The following PDLIM7 variants were observed in gnomAD, a reference collection of about 807,000 sequenced individuals.
PDLIM7 encodes the protein PDZ and LIM domain protein 7.
PDLIM7 carries 37 observed loss-of-function variants against 53.9 expected under a neutral mutation model. That is an observed-to-expected ratio of 0.69 (90% CI 0.53 to 0.90). PDLIM7 has a LOEUF of 0.90. PDLIM7 is among the 40% of genes least tolerant of loss of function. PDLIM7 has a pLI of 0.00. For synonymous variants in PDLIM7, 300 were observed against 261.3 expected (o/e 1.15, Z -1.43); for missense variants, 617 against 638.5 (o/e 0.97, Z 0.36).
intron 2 of PDLIM7, chr5:177,494,858 T>TTGCCCCTCCCACCTCC (rs1758985945): frequency 6.6e-6 from 1 of 152,296 alleles, no homozygotes; most frequent in Admixed American, 6.5e-5. Context: ...CAGCCAGCCC[T>TTGCCCCTCCCACCTCC]TGCCCCTCCC....
chr5:177,491,492 G>A, intron 5 of PDLIM7: 2 of 1,250,654 alleles, frequency 1.6e-6, no homozygotes, highest in Non-Finnish European at 2.3e-6. Flanking sequence ...AGAAAGACGG[G>A]GAGGGGTCAG....
chr5:177,492,081 T>C, intron 4 of PDLIM7, 156 bp from the exon 5 acceptor site: 1 of 376,850 alleles, frequency 2.7e-6, no homozygotes, highest in Non-Finnish European at 4.5e-6. Context: ...AGAGGACGAC[T>C]CAGGTTTCAA....
At chr5:177,497,182 G>C (rs1581768192) in intron 1 of PDLIM7, among the ~76,000 whole-genome samples, 1 of 151,984 alleles carries the variant, frequency 6.6e-6, no homozygotes, top group African/African-American at 2.4e-5. Context: ...TGGGGGCTGG[G>C]ACCCTCAAGC....
At chr5:177,497,122 T>G (rs1759130103) in intron 1 of PDLIM7, among the ~76,000 whole-genome samples, 1 of 149,116 alleles carries the variant, frequency 6.7e-6, no homozygotes, top group Admixed American at 6.7e-5. Flanking sequence ...GACCCCTGGG[T>G]GCTGAAGAAG....
chr5:177,491,255 G>A (rs1482618283), intron 5 of PDLIM7, 109 bp from the exon 6 acceptor site: 3 of 1,447,272 alleles, frequency 2.1e-6, no homozygotes, highest in Non-Finnish European at 2.8e-6. Flanking sequence ...GGAGGGAGTG[G>A]GTAAGGGTGA....
At chr5:177,485,494 T>C (rs1255563383) in intron 10 of PDLIM7, among the ~76,000 whole-genome samples, 1 of 152,214 alleles carries the variant, frequency 6.6e-6, no homozygotes, top group African/African-American at 2.4e-5. Flanking sequence ...TTTCTTCCCT[T>C]GTGAACTGGG....
chr5:177,484,241 C>G (rs1175095190), intron 10 of PDLIM7, 51 bp from the exon 11 acceptor site: 1 of 1,601,296 alleles, frequency 6.2e-7, no homozygotes, highest in South Asian at 1.1e-5. Context: ...CCTGCCCTGC[C>G]CTGGGTCACG....
In PDLIM7 at chr5:177,489,381, C is replaced by G; in HGVS notation, c.869+12G>C. The G allele has an allele frequency of 6.5e-7, 1 of 1,539,452 alleles. No individual in the cohort carries two copies. Among genetic ancestry groups the G allele is most frequent in the Non-Finnish European group, 8.8e-7 (1 of 1,136,020 alleles). On this transcript the variant is annotated intron_variant, in intron 9 of 12. Transcript: ENST00000355841. The stretch of plus-strand genomic sequence containing the variant: ...TGGGAAAGCCAGGGTCGGACAGGAA[C>G]AGGCCACCCACCGGATGACCTTGTG...
At chr5:177,496,366 C>CG (rs754124111) in intron 2 of PDLIM7, 51 bp downstream of exon 2, 2 of 1,384,188 alleles carry the variant, frequency 1.4e-6, no homozygotes, top group East Asian at 5.3e-5. Context: ...CTCTGGAGAC[C>CG]TAAGCACCGA....
intron 2 of PDLIM7, among the ~76,000 whole-genome samples, chr5:177,493,594 G>A (rs1048357327): frequency 6.6e-6 from 1 of 152,206 alleles, no homozygotes; most frequent in Non-Finnish European, 1.5e-5. Flanking sequence ...GGCTTTGAAG[G>A]TAGAGGGGCT....
chr5:177,492,218 G>T, intron 4 of PDLIM7, 187 bp downstream of exon 4: 1 of 697,350 alleles, frequency 1.4e-6, no homozygotes, highest in Non-Finnish European at 2.3e-6. Context: ...AGGCGGACAT[G>T]CGTGGTGCCA....
At chr5:177,493,505 A>G (rs954516550) in intron 2 of PDLIM7, among the ~76,000 whole-genome samples, 2 of 152,242 alleles carry the variant, frequency 1.3e-5, no homozygotes, top group African/African-American at 4.8e-5. Flanking sequence ...GCCTCGGTAA[A>G]GGAGAATGGC....
intron 10 of PDLIM7, among the ~76,000 whole-genome samples, chr5:177,486,576 G>C (rs932042272): frequency 1.3e-5 from 2 of 150,250 alleles, no homozygotes; most frequent in African/African-American, 5.0e-5. Flanking sequence ...TGGTGGGAGA[G>C]GGGGCTCTAC....
chr5:177,487,926 G>A, intron 10 of PDLIM7, 142 bp downstream of exon 10: 1 of 697,128 alleles, frequency 1.4e-6, no homozygotes, highest in Non-Finnish European at 2.3e-6. Context: ...TGCAGGGTGA[G>A]GCCAGTACAG....
At chr5:177,492,280 C>A in intron 4 of PDLIM7, 125 bp downstream of exon 4, 3 of 1,274,052 alleles carry the variant, frequency 2.4e-6, no homozygotes, top group South Asian at 1.4e-5. Context: ...CCCGCCTTAG[C>A]TCCGGTTTCT....
chr5:177,486,850 C>T (rs1276606517), intron 10 of PDLIM7, among the ~76,000 whole-genome samples: 1 of 147,900 alleles, frequency 6.8e-6, no homozygotes. Context: ...CCAGGATGGT[C>T]TCAATCTCCT....
rs778431176 is a variant in PDLIM7, at chr5:177,491,113, G to A, written c.432C>T (p.Ser144=). The change falls in exon 6 of 13, where the codon AGC becomes AGT. Residue 144 remains serine (S), a synonymous_variant. Coordinates refer to ENST00000355841, the MANE Select transcript of PDLIM7 (RefSeq NM_005451.5). ...QPLRPLVPDA[S]KQRLMENTED... ...CTGTGTTCTCCATCAGCCGCTGCTT[G>A]CTGGCATCTGGGACCAGCGGTCGGA... 5.6e-6 allele frequency: 9 copies of A among 1,612,154 alleles called. No individual in the cohort carries two copies. Among genetic ancestry groups the A allele is most frequent in the Non-Finnish European group, 6.8e-6 (8 of 1,179,370 alleles).
At chr5:177,492,023 G>GGCCCCC in intron 4 of PDLIM7, 98 bp from the exon 5 acceptor site, 2 of 514,338 alleles carry the variant, frequency 3.9e-6, no homozygotes, top group Admixed American at 4.1e-5. Flanking sequence ...GGCAGCTCCA[G>GGCCCCC]CCCCCCACCC....
At chr5:177,489,185 G>C (rs1052390928) in intron 9 of PDLIM7, among the ~76,000 whole-genome samples, 3 of 152,246 alleles carry the variant, frequency 2.0e-5, no homozygotes, top group Admixed American at 6.5e-5. Flanking sequence ...CGCCACGGCA[G>C]ATGCTGCTAG....
Sources: gnomAD v4.1 joint callset for allele counts (sites outside exome capture counted in the v4.1 genomes callset) on GRCh38, gnomAD v4.1.1 for gene constraint, MANE v1.5 for transcripts, NCBI Gene and HGNC (gene_info 2026-07-23, HGNC 2026-07-21) for gene names.